DTNB: variants seen among roughly 807,000 people sequenced by gnomAD.
The protein encoded by DTNB is dystrobrevin beta, also known as DTN-B.
DTNB carries 63 observed loss-of-function variants against 90.7 expected under a neutral mutation model. The observed-to-expected ratio is 0.69, with a 90% CI of 0.57 to 0.86. The LOEUF is 0.86. Ranked by LOEUF, DTNB falls within the 40% of genes least tolerant of loss-of-function variation. The pLI is 0.00. For synonymous variants in DTNB, 277 were observed against 286.7 expected, an observed-to-expected ratio of 0.97 and a Z score of 0.34; for missense variants, 744 against 807.1, an observed-to-expected ratio of 0.92 and a Z score of 0.95.
intron 1 of DTNB, among the ~76,000 whole-genome samples, chr2:25,659,872 TAAC>T (rs1347313829): frequency 6.6e-6 from 1 of 152,034 alleles, no homozygotes; most frequent in Non-Finnish European, 1.5e-5. Flanking sequence ...ATTACCTAGA[TAAC>T]AAAACCCAAC....
At chr2:25,629,779 C>A (rs146344784) in intron 3 of DTNB, among the ~76,000 whole-genome samples, 1 of 152,296 alleles carries the variant, frequency 6.6e-6, no homozygotes, top group East Asian at 1.9e-4. Context: ...AGGGCATCTA[C>A]AACAAATCCC....
chr2:25,475,548 A>G (rs1187396974), intron 10 of DTNB, among the ~76,000 whole-genome samples: 1 of 152,220 alleles, frequency 6.6e-6, no homozygotes, highest in Non-Finnish European at 1.5e-5. Context: ...GTTGTCCAGA[A>G]GATCTAGCTC....
In DTNB at chr2:25,377,830, G is replaced by C. The variant is rs76557550; in HGVS notation, c.*30-277C>G. ...TTGTGGCCCAGGAGAAGGGCAGGGA[G>C]GACTGAGGTGTGCCGATGAATACTA... On this transcript the variant is annotated intron_variant, in intron 20 of 20. Coordinates refer to ENST00000406818, the MANE Select transcript of DTNB (RefSeq NM_021907.5). 2.3e-3 allele frequency among the ~76,000 whole-genome samples: 352 copies of C among 152,312 alleles called. 1 individual carries two copies. The highest frequency in any genetic ancestry group is 8.1e-3 in the African/African-American group (337 of 41,554).
intron 9 of DTNB, among the ~76,000 whole-genome samples, chr2:25,500,470 T>C (rs1339278568): frequency 2.0e-5 from 3 of 152,200 alleles, no homozygotes; most frequent in Non-Finnish European, 4.4e-5. Context: ...TCAATCATTC[T>C]TAGCATCTCA....
intron 9 of DTNB, among the ~76,000 whole-genome samples, chr2:25,495,143 G>C (rs902642625): frequency 2.0e-5 from 3 of 151,926 alleles, no homozygotes; most frequent in Non-Finnish European, 2.9e-5. Context: ...TTGGCCCACT[G>C]CAACCTCCAC....
intron 16 of DTNB, among the ~76,000 whole-genome samples, chr2:25,396,023 GC>G (rs1028858024): frequency 6.6e-6 from 1 of 152,126 alleles, no homozygotes; most frequent in Non-Finnish European, 1.5e-5. Context: ...CAGCCCAAAT[GC>G]CCATCAATCA....
At chr2:25,559,621 G>A (rs112916141) in intron 8 of DTNB, among the ~76,000 whole-genome samples, 12 of 152,330 alleles carry the variant, frequency 7.9e-5, no homozygotes, top group African/African-American at 2.6e-4. Flanking sequence ...GTAGTGGGAT[G>A]AATGACGGCC....
intron 4 of DTNB, among the ~76,000 whole-genome samples, chr2:25,627,836 AAG>A (rs2074616463): frequency 6.6e-6 from 1 of 151,400 alleles, no homozygotes; most frequent in East Asian, 1.9e-4. Flanking sequence ...TCCTGGGTTC[AAG>A]CAATTCTCCT....
At chr2:25,524,121 G>A (rs958104447) in intron 9 of DTNB, among the ~76,000 whole-genome samples, 17 of 151,846 alleles carry the variant, frequency 1.1e-4, no homozygotes, top group African/African-American at 4.1e-4. Flanking sequence ...GGCTGGTCTT[G>A]AGCTCCGGAC....
intron 2 of DTNB, among the ~76,000 whole-genome samples, chr2:25,641,491 G>A (rs2078292349): frequency 6.6e-6 from 1 of 151,954 alleles, no homozygotes; most frequent in African/African-American, 2.4e-5. Context: ...TCAAGCTCCT[G>A]AGCTCAAGTG....
chr2:25,427,241 G>A (rs2052095850), intron 15 of DTNB, among the ~76,000 whole-genome samples: 1 of 149,930 alleles, frequency 6.7e-6, no homozygotes, highest in South Asian at 2.1e-4. Context: ...AAGTAGTTGA[G>A]AAATATTATT....
At chr2:25,455,258 A>G in intron 11 of DTNB, 147 bp downstream of exon 11, 1 of 708,660 alleles carries the variant, frequency 1.4e-6, no homozygotes, top group Non-Finnish European at 2.2e-6. Context: ...ATGCTTAGCA[A>G]CTATTTTAAC....
At chr2:25,557,132 A>C (rs940112783) in intron 8 of DTNB, among the ~76,000 whole-genome samples, 1 of 152,218 alleles carries the variant, frequency 6.6e-6, no homozygotes, top group African/African-American at 2.4e-5. Context: ...GTTTAGGTAA[A>C]CAAAAGTTCT....
chr2:25,533,122 G>A (rs1196165194), intron 8 of DTNB, among the ~76,000 whole-genome samples: 1 of 152,020 alleles, frequency 6.6e-6, no homozygotes, highest in Non-Finnish European at 1.5e-5. Flanking sequence ...CCAGGAGTTT[G>A]AGATCAGCCT....
intron 3 of DTNB, among the ~76,000 whole-genome samples, chr2:25,630,085 G>C (rs1488567182): frequency 6.6e-6 from 1 of 152,082 alleles, no homozygotes; most frequent in African/African-American, 2.4e-5. Flanking sequence ...AATTTAAATA[G>C]ATATTTATCC....
intron 10 of DTNB, among the ~76,000 whole-genome samples, chr2:25,458,683 C>T (rs113288889): frequency 0.14 from 20,713 of 151,998 alleles, 2,345 homozygotes; most frequent in East Asian, 0.54. Context: ...CTTGCTCTGT[C>T]GCCCAGGCTG....
intron 9 of DTNB, among the ~76,000 whole-genome samples, chr2:25,485,274 CT>C (rs2065894055): frequency 6.6e-6 from 1 of 152,118 alleles, no homozygotes; most frequent in Admixed American, 6.5e-5. Context: ...TCCCAAAATG[CT>C]AGGATTACAG....
intron 16 of DTNB, among the ~76,000 whole-genome samples, chr2:25,395,259 C>G (rs936086633): frequency 8.5e-5 from 13 of 152,178 alleles, no homozygotes; most frequent in African/African-American, 3.1e-4. Flanking sequence ...GGATAAAAGA[C>G]TACACATGGG....
intron 16 of DTNB, among the ~76,000 whole-genome samples, chr2:25,400,982 A>T (rs561199254): frequency 7.2e-5 from 11 of 152,312 alleles, no homozygotes; most frequent in African/African-American, 2.4e-4. Context: ...GTTCCAAGAA[A>T]AGTGTTCAGA....
Sources: allele counts gnomAD v4.1 joint callset (sites outside exome capture counted in the v4.1 genomes callset), GRCh38; gene constraint gnomAD v4.1.1; transcripts MANE v1.5; gene names NCBI Gene and HGNC (gene_info 2026-07-23, HGNC 2026-07-21).